The following USO1 variants were observed in gnomAD, a reference collection of about 807,000 sequenced individuals.
USO1 encodes the protein USO1 vesicle transport factor.
A neutral mutation model predicts 124.5 loss-of-function variants in USO1; 57 were observed. The ratio of observed to expected loss-of-function variants is 0.46; its 90% CI spans 0.37 to 0.57. The LOEUF (loss-of-function observed/expected upper bound fraction) is 0.57. Ranked by LOEUF, USO1 falls within the 20% of genes least tolerant of loss-of-function variation. USO1 has a pLI of 0.00. For synonymous variants in USO1, 369 were observed against 362.8 expected (o/e 1.02, Z -0.19); for missense variants, 900 against 1,040.6 (o/e 0.86, Z 1.86).
chr4:75,780,760 A>G (rs1375846423), intron 8 of USO1, among the ~76,000 whole-genome samples: 1 of 139,888 alleles, frequency 7.1e-6, no homozygotes, highest in African/African-American at 2.7e-5. Context: ...CAATTCTCGT[A>G]CCTCAGCCTC....
Position 75,814,085 on chromosome 4 carries a change from G to C in USO1, c.*790G>C. On this transcript the variant is annotated 3_prime_UTR_variant, in exon 24 of 24. Transcript: ENST00000514213. ...GTTCCTAGTTTTAAAAAGACCCAAAGTATGATTAATATAATTTATTGGCAT... is the reference window on the plus strand; with the variant it reads ...GTTCCTAGTTTTAAAAAGACCCAAACTATGATTAATATAATTTATTGGCAT... 6.6e-6 allele frequency: 1 copy of C among 152,130 alleles called. No homozygotes were observed. The highest frequency in any genetic ancestry group is 1.9e-4 in the East Asian group (1 of 5,202). 9.4% of individuals were successfully genotyped at this position (152,130 alleles called of 1,614,324 possible).
At chr4:75,758,607 G>T (rs1721508563) in intron 4 of USO1, among the ~76,000 whole-genome samples, 1 of 152,068 alleles carries the variant, frequency 6.6e-6, no homozygotes. Flanking sequence ...TTTTGGCTGG[G>T]TGTTATGGCT....
chr4:75,731,719 T>G (rs1223878305), intron 1 of USO1, among the ~76,000 whole-genome samples: 1 of 152,228 alleles, frequency 6.6e-6, no homozygotes, highest in Non-Finnish European at 1.5e-5. Context: ...CAAGGTAAGA[T>G]TATATCATAA....
At chr4:75,780,820 G>T (rs1353548563) in intron 8 of USO1, among the ~76,000 whole-genome samples, 3 of 148,786 alleles carry the variant, frequency 2.0e-5, no homozygotes, top group African/African-American at 7.4e-5. Context: ...GCTAATTTTT[G>T]TAATTTATTA....
chr4:75,805,733 A>G (rs1001107062), intron 19 of USO1, among the ~76,000 whole-genome samples: 3 of 151,564 alleles, frequency 2.0e-5, no homozygotes, highest in African/African-American at 7.3e-5. Flanking sequence ...AAAAGATTTT[A>G]CAGGATGAGC....
At chr4:75,809,984 T>TA (rs1251277284) in intron 21 of USO1, among the ~76,000 whole-genome samples, 1 of 152,252 alleles carries the variant, frequency 6.6e-6, no homozygotes. Context: ...GAAAAACTGT[T>TA]ATTCAGGAGT....
Position 75,771,084 on chromosome 4 carries a change from G to C in USO1, c.502G>C (p.Val168Leu). 1 of 1,611,514 alleles carries C rather than the reference G, an allele frequency of 6.2e-7. No individual in the cohort carries two copies. Residue 168 changes from valine (V) to leucine (L), a missense_variant and splice_region_variant, in exon 7 of 24, where the codon GTT (valine) becomes CTT (leucine). Around this residue, in one of 2 missense-constraint regions of USO1, gnomAD observed 538 missense variants for 681.6 expected, o/e 0.79. Coordinates refer to ENST00000514213, the MANE Select transcript of USO1 (RefSeq NM_003715.4). ...QQIILVSPMG[V>L]SRLMDLLADS... ...TTTCACATGGTTGTATGTTCTAGGTGTTTCAAGATTGATGGACTTACTAGC... is the reference window on the plus strand; with the variant it reads ...TTTCACATGGTTGTATGTTCTAGGTCTTTCAAGATTGATGGACTTACTAGC...
intron 1 of USO1, among the ~76,000 whole-genome samples, chr4:75,738,165 T>C (rs1326148991): frequency 6.6e-6 from 1 of 151,862 alleles, no homozygotes; most frequent in Non-Finnish European, 1.5e-5. Context: ...TTCTATAATA[T>C]TAAGTTGGGG....
At chr4:75,733,402 T>C (rs1486803762) in intron 1 of USO1, among the ~76,000 whole-genome samples, 1 of 152,234 alleles carries the variant, frequency 6.6e-6, no homozygotes, top group African/African-American at 2.4e-5. Flanking sequence ...CTCTCTACAG[T>C]GACTGAACTA....
intron 1 of USO1, among the ~76,000 whole-genome samples, chr4:75,735,723 G>A (rs1251827911): frequency 2.0e-5 from 3 of 152,044 alleles, no homozygotes; most frequent in Admixed American, 6.6e-5. Flanking sequence ...GTCTTGCTAT[G>A]TTGCCCAGGC....
At position 75,775,844 on chromosome 4, in the gene USO1, A is replaced by G. The variant is rs147576706; in HGVS notation, c.676+1048A>G. Among the ~76,000 whole-genome samples, 805 of 152,294 alleles carry G rather than the reference A, an allele frequency of 5.3e-3. 10 individuals carry two copies. The highest frequency in any genetic ancestry group is 0.018 in the African/African-American group (768 of 41,562). ...ATAAAAACAAGGGAGTTTCTAAAAA[A>G]GGCATTTGGTTGGTGGGCCAAGAGA... On this transcript the variant is annotated intron_variant, in intron 8 of 23. Coordinates refer to ENST00000514213, the MANE Select transcript of USO1 (RefSeq NM_003715.4).
chr4:75,770,740 G>T, intron 5 of USO1, 82 bp from the exon 6 acceptor site: 1 of 1,554,996 alleles, frequency 6.4e-7, no homozygotes, highest in East Asian at 2.2e-5. Flanking sequence ...TGTAGTTTCT[G>T]GTAAAAGTTA....
In USO1 at chr4:75,724,929, A is replaced by AGGGACG; in HGVS notation, c.66+52_66+57dup. On this transcript the variant is annotated intron_variant, in intron 1 of 23. Coordinates refer to ENST00000514213, the MANE Select transcript of USO1 (RefSeq NM_003715.4). Reference sequence around the variant, plus strand: ...CTGGGACTTGGGAAGGGGTCCGGGCAGGGACGGGGACGGAGCACTCGGAGA... The same window carrying AGGGACG: ...CTGGGACTTGGGAAGGGGTCCGGGCAGGGACGGGGACGGGGACGGAGCACTCGGAGA... 1.9e-6 allele frequency: 3 copies of AGGGACG among 1,608,172 alleles called. No individual in the cohort carries two copies. The South Asian group carries it at 3.3e-5, about 18-fold the overall frequency.
chr4:75,743,709 C>T (rs938802240), intron 1 of USO1, among the ~76,000 whole-genome samples: 5 of 152,150 alleles, frequency 3.3e-5, no homozygotes, highest in African/African-American at 1.2e-4. Context: ...CAAATTTCAT[C>T]ATAGGCCAGT....
chr4:75,759,252 T>TTTTTTTTTTTTTTTTTTG (rs1721529701), intron 4 of USO1, among the ~76,000 whole-genome samples: 1 of 140,100 alleles, frequency 7.1e-6, no homozygotes, highest in Admixed American at 7.2e-5. Context: ...GGACCTTTTT[T>TTTTTTTTTTTTTTTTTTG]TTTTTTTTTT....
chr4:75,796,341 C>CTTTTTTTTTTTGTTTTT (rs1722679151), intron 13 of USO1, among the ~76,000 whole-genome samples: 1 of 102,064 alleles, frequency 9.8e-6, no homozygotes, highest in Non-Finnish European at 2.1e-5. Context: ...CCATCATGCT[C>CTTTTTTTTTTTGTTTTT]TTTTTTTTTT....
chr4:75,795,321 A>AT, intron 13 of USO1: 2 of 702,212 alleles, frequency 2.8e-6, no homozygotes, highest in African/African-American at 1.7e-5. Context: ...ATAATTTGTA[A>AT]TGTATAATTT....
intron 7 of USO1, among the ~76,000 whole-genome samples, chr4:75,772,538 AG>A (rs1472067848): frequency 1.4e-4 from 22 of 152,076 alleles, no homozygotes; most frequent in Admixed American, 1.3e-3. Flanking sequence ...CGCCCGGCCG[AG>A]AAGTACATTT....
At chr4:75,734,478 C>T (rs568336761) in intron 1 of USO1, among the ~76,000 whole-genome samples, 6 of 152,132 alleles carry the variant, frequency 3.9e-5, no homozygotes, top group African/African-American at 1.4e-4. Context: ...GTTCTCTATC[C>T]TGTTCCATTG....
Sources: allele counts gnomAD v4.1 joint callset (sites outside exome capture counted in the v4.1 genomes callset), GRCh38; gene constraint gnomAD v4.1.1; regional missense constraint gnomAD v4.1.1; transcripts MANE v1.5; gene names NCBI Gene and HGNC (gene_info 2026-07-23, HGNC 2026-07-21).